Variants in PLD5 observed in about 807,000 individuals in gnomAD.
PLD5 encodes the protein phospholipase D family member 5, also known as inactive phospholipase D5.
A neutral mutation model predicts 61.1 loss-of-function variants in PLD5; 36 were observed. The ratio of observed to expected loss-of-function variants is 0.59; its 90% CI spans 0.45 to 0.78. The LOEUF (loss-of-function observed/expected upper bound fraction) is 0.78, where lower values mean the gene tolerates loss of function less well. PLD5 is among the 30% of genes least tolerant of loss of function. The probability of loss-of-function intolerance (pLI) is 0.00; values close to 1 mark genes in which losing one functional copy is unlikely to be tolerated. For synonymous variants in PLD5, 243 were observed against 242.8 expected, an observed-to-expected ratio of 1.00 and a Z score of -0.01; for missense variants, 515 against 644.4, an observed-to-expected ratio of 0.80 and a Z score of 2.17.
At chr1:242,502,993 A>G (rs2654854) in intron 1 of PLD5, among the ~76,000 whole-genome samples, 129,732 of 152,132 alleles carry the variant, frequency 0.85, 55,570 homozygotes, top group African/African-American at 0.94. Context: ...CCCAGGAGGC[A>G]GAGGTTGCAG....
chr1:242,114,995 G>A (rs1351395037), intron 6 of PLD5, among the ~76,000 whole-genome samples: 1 of 152,016 alleles, frequency 6.6e-6, no homozygotes. Flanking sequence ...TGGCCAACAT[G>A]GTGAAACCCC....
intron 2 of PLD5, among the ~76,000 whole-genome samples, chr1:242,340,282 G>T (rs1376310024): frequency 1.6e-4 from 24 of 151,766 alleles, no homozygotes; most frequent in Admixed American, 1.4e-3. Context: ...CTTTTTTTAG[G>T]CAGTCAGAAG....
intron 5 of PLD5, chr1:242,177,875 A>G (rs1667267889): frequency 6.6e-6 from 1 of 152,226 alleles, no homozygotes; most frequent in South Asian, 2.1e-4. Flanking sequence ...CTACAAACCC[A>G]TCTGGGACAC....
chr1:242,121,883 C>A (rs990100266), intron 6 of PLD5, among the ~76,000 whole-genome samples: 1 of 138,826 alleles, frequency 7.2e-6, no homozygotes, highest in South Asian at 2.2e-4. Flanking sequence ...TAGGTGGGAA[C>A]TGAACAATGA....
At chr1:242,471,703 T>A (rs578167708) in intron 1 of PLD5, among the ~76,000 whole-genome samples, 19 of 152,226 alleles carry the variant, frequency 1.2e-4, no homozygotes, top group African/African-American at 4.6e-4. Context: ...CAATACACAA[T>A]GACAACACTG....
intron 4 of PLD5, among the ~76,000 whole-genome samples, chr1:242,260,346 CAA>C (rs58683643): frequency 1.2e-4 from 15 of 120,330 alleles, no homozygotes; most frequent in Admixed American, 4.4e-4. Flanking sequence ...GACTCCGTCT[CAA>C]AAAAAAAAAA....
intron 5 of PLD5, among the ~76,000 whole-genome samples, chr1:242,174,964 C>G (rs1667025716): frequency 6.6e-6 from 1 of 152,092 alleles, no homozygotes. Context: ...TTGGGTGCAG[C>G]ATACCAACAT....
At chr1:242,469,408 T>G (rs781538640) in intron 1 of PLD5, among the ~76,000 whole-genome samples, 1 of 152,258 alleles carries the variant, frequency 6.6e-6, no homozygotes. Flanking sequence ...TCAGCAACAT[T>G]TCAAGTATTT....
At chr1:242,386,254 T>G (rs1185676782) in intron 1 of PLD5, among the ~76,000 whole-genome samples, 1 of 152,206 alleles carries the variant, frequency 6.6e-6, no homozygotes, top group Non-Finnish European at 1.5e-5. Flanking sequence ...AACTTCAACA[T>G]ATCTTTTTGA....
intron 2 of PLD5, among the ~76,000 whole-genome samples, chr1:242,333,361 T>C (rs1325838830): frequency 6.6e-6 from 1 of 151,914 alleles, no homozygotes; most frequent in Non-Finnish European, 1.5e-5. Context: ...CAGAAACATA[T>C]TTTTTTTCTT....
In PLD5 at chr1:242,297,372, G is replaced by A. The variant is rs958674459; in HGVS notation, c.327-8842C>T. Among the ~76,000 whole-genome samples the A allele has an allele frequency of 4.5e-5, 6 of 134,674 alleles. No homozygotes were observed. In the East Asian group the frequency reaches 6.6e-4, roughly 15 times the overall value. The allele number at this position is 134,674 out of a possible 152,430, so 88.4% of individuals were successfully genotyped here. On this transcript the variant is annotated intron_variant, in intron 2 of 9. Coordinates refer to ENST00000536534, the MANE Select transcript of PLD5 (RefSeq NM_001372062.1). ...AAAAAAAAAAAAAAAAAAAAGGAAA[G>A]CTTCCCCCCTTTTCCTATCACCCTT...
At chr1:242,468,844 T>G (rs1157889168) in intron 1 of PLD5, among the ~76,000 whole-genome samples, 1 of 152,226 alleles carries the variant, frequency 6.6e-6, no homozygotes, top group African/African-American at 2.4e-5. Context: ...ATGCTCCACG[T>G]GGTTTACACA....
At chr1:242,373,655 A>G (rs1210376681) in intron 1 of PLD5, among the ~76,000 whole-genome samples, 2 of 152,286 alleles carry the variant, frequency 1.3e-5, no homozygotes, top group African/African-American at 4.8e-5. Context: ...TTGTAGGGAC[A>G]TGGATGAAAC....
chr1:242,399,961 G>T (rs1332522498), intron 1 of PLD5, among the ~76,000 whole-genome samples: 1 of 152,142 alleles, frequency 6.6e-6, no homozygotes, highest in African/African-American at 2.4e-5. Flanking sequence ...TTGAGGTCAG[G>T]AGTTCAAGAC....
intron 1 of PLD5, among the ~76,000 whole-genome samples, chr1:242,452,553 C>A (rs996350997): frequency 2.9e-4 from 44 of 152,156 alleles, no homozygotes; most frequent in Non-Finnish European, 1.0e-4. Flanking sequence ...CGATGACTCA[C>A]GCCTATAATC....
At chr1:242,120,534 C>G (rs144903580) in intron 6 of PLD5, among the ~76,000 whole-genome samples, 1 of 152,064 alleles carries the variant, frequency 6.6e-6, no homozygotes, top group Non-Finnish European at 1.5e-5. Flanking sequence ...TTACAATATA[C>G]GCAGAAGGTT....
intron 3 of PLD5, among the ~76,000 whole-genome samples, chr1:242,272,770 T>C (rs909082177): frequency 6.6e-6 from 1 of 152,082 alleles, no homozygotes; most frequent in African/African-American, 2.4e-5. Flanking sequence ...TTTATAACCA[T>C]AAATACCTTC....
chr1:242,440,381 C>A (rs573049202), intron 1 of PLD5, among the ~76,000 whole-genome samples: 1 of 152,248 alleles, frequency 6.6e-6, no homozygotes, highest in Admixed American at 6.5e-5. Flanking sequence ...GTTGGAATGA[C>A]CCCTTAGAAT....
chr1:242,188,266 A>G (rs1668033409), intron 5 of PLD5, among the ~76,000 whole-genome samples: 1 of 152,194 alleles, frequency 6.6e-6, no homozygotes, highest in Non-Finnish European at 1.5e-5. Flanking sequence ...AGAGTCAACT[A>G]ACATCAATAG....
Sources: gnomAD v4.1 joint callset for allele counts (sites outside exome capture counted in the v4.1 genomes callset) on GRCh38, gnomAD v4.1.1 for gene constraint, MANE v1.5 for transcripts, NCBI Gene and HGNC (gene_info 2026-07-23, HGNC 2026-07-21) for gene names.